Variants in DGKB observed in about 807,000 individuals in gnomAD.
DGKB encodes 90 kDa diacylglycerol kinase.
Under a neutral mutation model 114.3 loss-of-function variants are expected in DGKB, and 67 were observed. That is an observed-to-expected ratio of 0.59 (90% CI 0.48 to 0.72). DGKB has a LOEUF of 0.72. DGKB is among the 30% of genes least tolerant of loss of function. The pLI is 0.00. For missense variants in DGKB, 907 were observed against 975.2 expected (o/e 0.93, Z 0.93); for synonymous variants, 398 against 323.1 (o/e 1.23, Z -2.49).
intron 23 of DGKB, among the ~76,000 whole-genome samples, chr7:14,234,542 A>G (rs1325563979): frequency 6.6e-6 from 1 of 152,130 alleles, no homozygotes; most frequent in African/African-American, 2.4e-5. Flanking sequence ...ATTGCAAGGA[A>G]TGAATAATAT....
In DGKB at chr7:14,685,348, A is replaced by T. The variant is rs534153334; in HGVS notation, c.726T>A (p.Asp242Glu). Reference protein sequence around the residue: ...LLGLENNVKDDGQHVWRLKHF... With the variant: ...LLGLENNVKDEGQHVWRLKHF... ...GCTTCAGTCGCCACACGTGCTGTCC[A>T]TCATCCTTCACGTTCTGCATGGGAC... The change falls in exon 10 of 26, where the codon GAT (aspartate) becomes GAA (glutamate). Residue 242 changes from aspartate to glutamate, a missense_variant. Coordinates refer to ENST00000402815, the MANE Select transcript of DGKB (RefSeq NM_001350709.2). The T allele has an allele frequency of 6.2e-7, 1 of 1,613,394 alleles. No individual in the cohort carries two copies. Among genetic ancestry groups the T allele is most frequent in the Admixed American group, 1.7e-5 (1 of 60,016 alleles).
At chr7:14,238,367 CTAACTA>C (rs1228828001) in intron 23 of DGKB, among the ~76,000 whole-genome samples, 1 of 151,948 alleles carries the variant, frequency 6.6e-6, no homozygotes, top group Non-Finnish European at 1.5e-5. Flanking sequence ...TTCTTCTGCC[CTAACTA>C]TAAGTTTCCT....
chr7:14,811,836 A>G (rs998904093), intron 2 of DGKB, among the ~76,000 whole-genome samples: 7 of 128,120 alleles, frequency 5.5e-5, no homozygotes, highest in Admixed American at 3.2e-4. Context: ...GGGTACAGTT[A>G]TGTGATATTA....
chr7:14,150,667 A>T (rs1016307226), intron 25 of DGKB, among the ~76,000 whole-genome samples: 5 of 152,070 alleles, frequency 3.3e-5, no homozygotes, highest in Admixed American at 3.3e-4. Context: ...TTGTTATCTT[A>T]TGAACTAGGG....
intron 2 of DGKB, among the ~76,000 whole-genome samples, chr7:14,833,544 T>G (rs1420042744): frequency 6.6e-6 from 1 of 152,142 alleles, no homozygotes; most frequent in East Asian, 1.9e-4. Context: ...GGGCTTGACT[T>G]CTTCTCAGGA....
rs148314212 is a variant in DGKB at position 14,203,375 on chromosome 7, T to G, written c.2123-25224A>C. ...TTAAAGATGGATATATATTTTGTTTTCTTCTGATTCTTATACTCTTCTATT... is the reference window on the plus strand; with the variant it reads ...TTAAAGATGGATATATATTTTGTTTGCTTCTGATTCTTATACTCTTCTATT... On this transcript the variant is annotated intron_variant, in intron 23 of 25. Coordinates refer to ENST00000402815, the MANE Select transcript of DGKB (RefSeq NM_001350709.2). Among the ~76,000 whole-genome samples the G allele has an allele frequency of 2.0e-4, 30 of 152,128 alleles. No individual in the cohort carries two copies. The East Asian group carries it at 5.4e-3, about 28-fold the overall frequency.
chr7:14,439,232 T>C (rs1184816962), intron 21 of DGKB, among the ~76,000 whole-genome samples: 2 of 152,156 alleles, frequency 1.3e-5, no homozygotes, highest in African/African-American at 4.8e-5. Context: ...CAGTGTTAAC[T>C]TCTATTTCAG....
intron 1 of DGKB, among the ~76,000 whole-genome samples, chr7:14,847,759 G>A (rs1486977277): frequency 6.6e-6 from 1 of 152,180 alleles, no homozygotes; most frequent in Non-Finnish European, 1.5e-5. Flanking sequence ...GAGATTCAGA[G>A]AGCAATTCAG....
intron 13 of DGKB, among the ~76,000 whole-genome samples, chr7:14,663,080 C>A (rs1817443496): frequency 6.6e-6 from 1 of 151,920 alleles, no homozygotes; most frequent in Non-Finnish European, 1.5e-5. Flanking sequence ...ATGTTAATAG[C>A]TCGCTTCATA....
At chr7:14,678,855 T>C (rs1441902145) in intron 12 of DGKB, among the ~76,000 whole-genome samples, 2 of 151,850 alleles carry the variant, frequency 1.3e-5, no homozygotes, top group Admixed American at 6.6e-5. Context: ...GAGAGAGATA[T>C]TTTAAGTAGG....
intron 21 of DGKB, among the ~76,000 whole-genome samples, chr7:14,433,888 T>C (rs757517455): frequency 4.1e-4 from 63 of 152,202 alleles, no homozygotes; most frequent in Non-Finnish European, 7.9e-4. Context: ...CTTACACTCA[T>C]AGCCCAAAGA....
Position 14,891,742 on chromosome 7 carries a change from A to T in DGKB, c.-188+10850T>A, listed in dbSNP as rs147710121. Among the ~76,000 whole-genome samples, 128 of 151,642 alleles carry T rather than the reference A, an allele frequency of 8.4e-4. 1 individual carries two copies. The highest frequency in any genetic ancestry group is 2.7e-3 in the African/African-American group (113 of 41,488). ...AAAATAAAAATAAATGACACAAAGA[A>T]GAAGTCAAAATACTTATCTCTCTTT... On this transcript the variant is annotated intron_variant, in intron 1 of 25. Transcript: ENST00000402815.
intron 1 of DGKB, among the ~76,000 whole-genome samples, chr7:14,970,023 A>G (rs934618353): frequency 1.3e-5 from 2 of 152,168 alleles, no homozygotes; most frequent in Non-Finnish European, 1.5e-5. Context: ...CTTGACTGAA[A>G]CATCATTATG....
At chr7:14,716,710 T>G (rs60043327) in intron 6 of DGKB, among the ~76,000 whole-genome samples, 3,614 of 152,156 alleles carry the variant, frequency 0.024, 148 homozygotes, top group African/African-American at 0.083. Flanking sequence ...GAAGATTGAT[T>G]GTTATTTAAT....
At chr7:14,924,250 T>G (rs1170510049) in intron 1 of DGKB, among the ~76,000 whole-genome samples, 3 of 152,176 alleles carry the variant, frequency 2.0e-5, no homozygotes, top group African/African-American at 7.2e-5. Flanking sequence ...AGTTTGAAGC[T>G]TTTATTCCAC....
chr7:14,810,651 G>A (rs974644575), intron 2 of DGKB, among the ~76,000 whole-genome samples: 6 of 152,012 alleles, frequency 3.9e-5, no homozygotes, highest in South Asian at 2.1e-4. Flanking sequence ...CTGCTGAAGT[G>A]CAGTGGCACA....
At chr7:14,697,869 G>A (rs115607784) in intron 8 of DGKB, among the ~76,000 whole-genome samples, 1,711 of 145,230 alleles carry the variant, frequency 0.012, 34 homozygotes, top group African/African-American at 0.041. Context: ...AGGAAGGAAG[G>A]TAGGAGGGAG....
chr7:14,489,377 A>T (rs1784291060), intron 20 of DGKB, among the ~76,000 whole-genome samples: 1 of 152,156 alleles, frequency 6.6e-6, no homozygotes, highest in African/African-American at 2.4e-5. Flanking sequence ...TAGTTTCTGG[A>T]AACCCTAAGT....
intron 8 of DGKB, among the ~76,000 whole-genome samples, chr7:14,697,726 AAGGAAAGAAAGAAGG>A (rs879600003): frequency 6.9e-6 from 1 of 144,290 alleles, no homozygotes; most frequent in Non-Finnish European, 1.5e-5. Flanking sequence ...AAAAGGAAGG[AAGGAAAGAAAGAAGG>A]AGGAAAGAAA....
Sources: gnomAD v4.1 joint callset for allele counts (sites outside exome capture counted in the v4.1 genomes callset) on GRCh38, gnomAD v4.1.1 for gene constraint, MANE v1.5 for transcripts, NCBI Gene and HGNC (gene_info 2026-07-23, HGNC 2026-07-21) for gene names.